Variants in FHIT observed in about 807,000 individuals in gnomAD.
FHIT encodes the protein bis(5'-adenosyl)-triphosphatase.
Under a neutral mutation model 17.9 loss-of-function variants are expected in FHIT, and 19 were observed. The observed-to-expected ratio is 1.06, with a 90% CI of 0.74 to 1.56. FHIT has a LOEUF of 1.56. FHIT is among the 40% of genes most tolerant of loss of function. The pLI is 0.00. For synonymous variants in FHIT, 81 were observed against 69.7 expected (o/e 1.16, Z -0.81); for missense variants, 248 against 189.2 (o/e 1.31, Z -1.82).
chr3:60,676,757 T>A (rs2040629078), intron 4 of FHIT, among the ~76,000 whole-genome samples: 1 of 152,212 alleles, frequency 6.6e-6, no homozygotes, highest in South Asian at 2.1e-4. Context: ...TCCTCATCTA[T>A]AATCTTCAAA....
chr3:59,752,120 G>T, intron 9 of FHIT, 101 bp downstream of exon 9: 2 of 767,994 alleles, frequency 2.6e-6, no homozygotes, highest in Non-Finnish European at 4.3e-6. Context: ...ACCACCCAAG[G>T]ATGCTGGTGA....
At chr3:60,626,445 C>G (rs72872703) in intron 4 of FHIT, among the ~76,000 whole-genome samples, 2,166 of 152,104 alleles carry the variant, frequency 0.014, 60 homozygotes, top group African/African-American at 0.05. Flanking sequence ...TTAATTTATT[C>G]CCAAGTATTT....
intron 4 of FHIT, among the ~76,000 whole-genome samples, chr3:60,558,081 C>T (rs956858065): frequency 6.6e-6 from 1 of 152,048 alleles, no homozygotes; most frequent in African/African-American, 2.4e-5. Context: ...CCTGCCGGGA[C>T]AGAGTTGTGT....
intron 7 of FHIT, among the ~76,000 whole-genome samples, chr3:59,946,214 A>G (rs1706795144): frequency 6.6e-6 from 1 of 152,080 alleles, no homozygotes; most frequent in African/African-American, 2.4e-5. Context: ...GTGTTTTATA[A>G]TTCTCAATGT....
chr3:60,986,401 T>C (rs1317065389), intron 3 of FHIT, among the ~76,000 whole-genome samples: 1 of 152,200 alleles, frequency 6.6e-6, no homozygotes, highest in African/African-American at 2.4e-5. Flanking sequence ...ACATTCTCCT[T>C]TCTGAATACT....
chr3:59,818,251 G>A (rs897690199), intron 8 of FHIT, among the ~76,000 whole-genome samples: 6 of 152,014 alleles, frequency 3.9e-5, no homozygotes, highest in African/African-American at 1.5e-4. Context: ...CTCGGCCCAC[G>A]TGGGGCTGTG....
At chr3:60,090,847 C>G (rs1703701243) in intron 5 of FHIT, among the ~76,000 whole-genome samples, 1 of 152,152 alleles carries the variant, frequency 6.6e-6, no homozygotes, top group Non-Finnish European at 1.5e-5. Flanking sequence ...GAAAGAAGAT[C>G]TGTTGTCTGA....
At chr3:60,654,817 A>G (rs1234042324) in intron 4 of FHIT, among the ~76,000 whole-genome samples, 1 of 152,140 alleles carries the variant, frequency 6.6e-6, no homozygotes, top group Non-Finnish European at 1.5e-5. Context: ...AAAAAAGACT[A>G]CTCTGGTGAC....
chr3:59,945,871 T>G (rs1050146717), intron 7 of FHIT, among the ~76,000 whole-genome samples: 14 of 152,210 alleles, frequency 9.2e-5, no homozygotes, highest in Admixed American at 2.0e-4. Flanking sequence ...CTCTCTATTC[T>G]GTTCCATTGG....
At chr3:59,893,782 C>T (rs1047170769) in intron 8 of FHIT, among the ~76,000 whole-genome samples, 6 of 152,160 alleles carry the variant, frequency 3.9e-5, no homozygotes, top group African/African-American at 7.2e-5. Context: ...CCCCATGATC[C>T]GCCTCAGAGG....
At chr3:60,047,144 G>GT (rs1211071429) in intron 5 of FHIT, among the ~76,000 whole-genome samples, 3 of 152,172 alleles carry the variant, frequency 2.0e-5, no homozygotes, top group Non-Finnish European at 2.9e-5. Flanking sequence ...TCCACAAAAC[G>GT]TAACAGTCGG....
At chr3:60,141,320 A>G (rs1372926105) in intron 5 of FHIT, among the ~76,000 whole-genome samples, 3 of 151,992 alleles carry the variant, frequency 2.0e-5, no homozygotes, top group Non-Finnish European at 2.9e-5. Context: ...AAAACTGATT[A>G]CTTACAGTTT....
At chr3:59,832,218 GTCC>G (rs1701188718) in intron 8 of FHIT, among the ~76,000 whole-genome samples, 1 of 152,104 alleles carries the variant, frequency 6.6e-6, no homozygotes, top group East Asian at 1.9e-4. Flanking sequence ...ATTGAGTACT[GTCC>G]CTCAGTTTCA....
intron 5 of FHIT, among the ~76,000 whole-genome samples, chr3:60,516,711 AATATT>A (rs1189818604): frequency 2.6e-5 from 4 of 152,214 alleles, no homozygotes; most frequent in African/African-American, 9.6e-5. Flanking sequence ...TCAGAGCATA[AATATT>A]ATATGTTAGA....
intron 4 of FHIT, among the ~76,000 whole-genome samples, chr3:60,697,392 A>G (rs1203009151): frequency 6.6e-6 from 1 of 152,124 alleles, no homozygotes; most frequent in African/African-American, 2.4e-5. Flanking sequence ...TATTCATTAA[A>G]CTGTTCATAC....
In FHIT at chr3:60,139,382, C is replaced by T. The variant is rs575626707; in HGVS notation, c.104-125230G>A. 1.2e-4 allele frequency among the ~76,000 whole-genome samples: 3 copies of T among 24,192 alleles called. No homozygotes were observed. The South Asian group carries it at 7.3e-3, about 59-fold the overall frequency. The allele number at this position is 24,192 out of a possible 152,430, so 15.9% of individuals were successfully genotyped here. A position where few individuals can be genotyped will look rare whatever the true frequency, so the allele number is the denominator to read the frequency against. Reference sequence around the variant, plus strand: ...ATGACAGACTAATTTAACCAGAGAACTAAAAAGGGTTTAGCACCCACTAAG... The same window carrying T: ...ATGACAGACTAATTTAACCAGAGAATTAAAAAGGGTTTAGCACCCACTAAG... On this transcript the variant is annotated intron_variant, in intron 5 of 9. Coordinates refer to ENST00000492590, the MANE Select transcript of FHIT (RefSeq NM_002012.4).
intron 3 of FHIT, among the ~76,000 whole-genome samples, chr3:60,993,179 A>C (rs1203833090): frequency 4.6e-5 from 7 of 152,238 alleles, no homozygotes; most frequent in Non-Finnish European, 1.0e-4. Context: ...TAGCAAAGGA[A>C]ACCTTATTTT....
intron 3 of FHIT, among the ~76,000 whole-genome samples, chr3:60,863,556 G>T (rs1553753175): frequency 6.6e-6 from 1 of 152,126 alleles, no homozygotes; most frequent in South Asian, 2.1e-4. Flanking sequence ...TCATCAATCT[G>T]AGGTTTACTA....
At chr3:59,929,362 G>GTTTTTTTTTT (rs1559740305) in intron 7 of FHIT, among the ~76,000 whole-genome samples, 9 of 92,028 alleles carry the variant, frequency 9.8e-5, no homozygotes, top group Admixed American at 1.3e-4. Flanking sequence ...TTGTTTTTTT[G>GTTTTTTTTTT]GTTTTTTTTT....
Sources: allele counts gnomAD v4.1 joint callset (sites outside exome capture counted in the v4.1 genomes callset), GRCh38; gene constraint gnomAD v4.1.1; transcripts MANE v1.5; gene names NCBI Gene and HGNC (gene_info 2026-07-23, HGNC 2026-07-21).